Variants in FER1L6 observed in about 807,000 individuals in gnomAD.
FER1L6 encodes fer-1 like family member 6.
FER1L6 carries 177 observed loss-of-function variants against 219.2 expected under a neutral mutation model. The observed-to-expected ratio is 0.81, with a 90% CI of 0.71 to 0.91. FER1L6 has a LOEUF of 0.91. Among genes scored for constraint, FER1L6 ranks in the 40% least tolerant of loss-of-function variants. The probability of loss-of-function intolerance (pLI) is 0.00; values close to 1 mark genes in which losing one functional copy is unlikely to be tolerated. For missense variants in FER1L6, 2,153 were observed against 2,259.9 expected, an observed-to-expected ratio of 0.95 and a Z score of 0.96; for synonymous variants, 768 against 824.3, an observed-to-expected ratio of 0.93 and a Z score of 1.17.
chr8:123,888,209 T>A, intron 1 of FER1L6, among the ~76,000 whole-genome samples: 1 of 152,090 alleles, frequency 6.6e-6, no homozygotes, highest in East Asian at 1.9e-4. Flanking sequence ...CTCCACCTCC[T>A]GGGTTCAAGA....
At chr8:124,045,719 A>ATAAC in intron 20 of FER1L6, 48 bp from the exon 21 acceptor site, 1 of 1,607,674 alleles carries the variant, frequency 6.2e-7, no homozygotes. Context: ...TAGAGCCCCT[A>ATAAC]TAACTCAATT....
At chr8:123,966,852 C>T (rs1031353944) in intron 5 of FER1L6, among the ~76,000 whole-genome samples, 8 of 152,060 alleles carry the variant, frequency 5.3e-5, no homozygotes, top group African/African-American at 1.4e-4. Context: ...GAGGCCACGG[C>T]GTGCGGATCA....
intron 1 of FER1L6, among the ~76,000 whole-genome samples, chr8:123,862,462 T>A (rs76201728): frequency 7.9e-6 from 1 of 125,814 alleles, no homozygotes. Context: ...TGTCTCTGCC[T>A]GGCTTTGGTA....
chr8:123,904,224 TTGTGTGTGTGTGTGTGTG>T (rs56224402), intron 1 of FER1L6, among the ~76,000 whole-genome samples: 240 of 139,486 alleles, frequency 1.7e-3, no homozygotes, highest in South Asian at 2.7e-3. Flanking sequence ...CTCTGTATAT[TTGTGTGTGTGTGTGTGTG>T]TGTGTGTGTG....
intron 1 of FER1L6, among the ~76,000 whole-genome samples, chr8:123,922,431 T>G (rs1813394031): frequency 6.6e-6 from 1 of 152,220 alleles, no homozygotes; most frequent in Admixed American, 6.5e-5. Context: ...GAAGCTGGTG[T>G]GCCATTCTTC....
At chr8:123,936,272 A>C (rs1813999409) in intron 1 of FER1L6, among the ~76,000 whole-genome samples, 1 of 152,152 alleles carries the variant, frequency 6.6e-6, no homozygotes, top group Non-Finnish European at 1.5e-5. Context: ...TGCTCAGGGG[A>C]CAAGTTCAAC....
chr8:123,971,852 A>G (rs971802115), intron 6 of FER1L6, among the ~76,000 whole-genome samples: 5 of 152,222 alleles, frequency 3.3e-5, no homozygotes, highest in Admixed American at 2.0e-4. Context: ...CAGGGCTCCC[A>G]GTACTCTGTG....
chr8:123,977,440 C>T lies in FER1L6; in HGVS notation c.894C>T (p.Asn298=), dbSNP rs773924937. The change falls in exon 10 of 41, where the codon AAC becomes AAT. Residue 298 remains asparagine (N), a synonymous_variant. Coordinates refer to ENST00000522917, the MANE Select transcript of FER1L6 (RefSeq NM_001039112.2). ...GQMGRTTVQK[N]CADPVWHEQV... The stretch of plus-strand genomic sequence containing the variant: ...AGGGGCGAACCACAGTGCAGAAGAA[C>T]TGTGCTGATCCTGTGTGGCATGAAC... 8 of 1,613,844 alleles carry T rather than the reference C, an allele frequency of 5.0e-6. No homozygotes were observed. The Admixed American group carries it at 6.7e-5, about 13-fold the overall frequency.
intron 1 of FER1L6, among the ~76,000 whole-genome samples, chr8:123,874,918 C>T (rs2130283657): frequency 6.6e-6 from 1 of 152,262 alleles, no homozygotes; most frequent in East Asian, 1.9e-4. Flanking sequence ...AATCTCAGGC[C>T]TAGTGTGGTG....
At chr8:123,950,614 T>G (rs963040958) in intron 1 of FER1L6, among the ~76,000 whole-genome samples, 2 of 152,212 alleles carry the variant, frequency 1.3e-5, no homozygotes, top group African/African-American at 4.8e-5. Context: ...TAGACTCAGC[T>G]GACTCTTGCA....
At chr8:123,918,472 C>T (rs989711389) in intron 1 of FER1L6, among the ~76,000 whole-genome samples, 1 of 152,144 alleles carries the variant, frequency 6.6e-6, no homozygotes, top group South Asian at 2.1e-4. Flanking sequence ...TGTCTATGTG[C>T]AATCGCATCC....
At chr8:124,091,729 G>A in intron 34 of FER1L6, 146 bp downstream of exon 34, 1 of 786,928 alleles carries the variant, frequency 1.3e-6, no homozygotes, top group African/African-American at 1.8e-5. Flanking sequence ...CACTATGGGA[G>A]GCTGAGGCGG....
intron 18 of FER1L6, among the ~76,000 whole-genome samples, chr8:124,031,877 C>T (rs932161538): frequency 6.6e-6 from 1 of 152,130 alleles, no homozygotes; most frequent in Admixed American, 6.6e-5. Flanking sequence ...GGAAGGTGCT[C>T]GATAATGTTG....
chr8:123,963,537 A>C (rs1033582030), intron 3 of FER1L6, 139 bp downstream of exon 3: 20 of 893,252 alleles, frequency 2.2e-5, no homozygotes, highest in Non-Finnish European at 2.9e-5. Flanking sequence ...AGGCAGGAAG[A>C]CTGTGTCAGC....
intron 1 of FER1L6, among the ~76,000 whole-genome samples, chr8:123,934,137 G>A (rs1813892051): frequency 6.6e-6 from 1 of 152,122 alleles, no homozygotes; most frequent in South Asian, 2.1e-4. Context: ...TTGAGACCAA[G>A]TCTCACTCTG....
chr8:123,925,758 T>A (rs757937307), intron 1 of FER1L6: 3 of 152,264 alleles, frequency 2.0e-5, no homozygotes, highest in Non-Finnish European at 2.9e-5. Flanking sequence ...GGTTGTTTGG[T>A]CTTTTCCAGA....
chr8:123,897,889 C>T (rs923521314), intron 1 of FER1L6, among the ~76,000 whole-genome samples: 2 of 152,108 alleles, frequency 1.3e-5, no homozygotes, highest in African/African-American at 4.8e-5. Flanking sequence ...GGACATTTGT[C>T]TCTGTCATGA....
intron 13 of FER1L6, chr8:124,004,204 A>G (rs1817558896): frequency 6.6e-6 from 1 of 151,720 alleles, no homozygotes; most frequent in East Asian, 1.9e-4. Context: ...ACTCTCACTG[A>G]TCTCCTTTAA....
chr8:123,930,685 A>G (rs1406549738), intron 1 of FER1L6, among the ~76,000 whole-genome samples: 2 of 152,268 alleles, frequency 1.3e-5, no homozygotes, highest in East Asian at 3.9e-4. Context: ...CAGGTTCCTC[A>G]TCTTTAAAAT....
Sources: allele counts gnomAD v4.1 joint callset (sites outside exome capture counted in the v4.1 genomes callset), GRCh38; gene constraint gnomAD v4.1.1; transcripts MANE v1.5; gene names NCBI Gene and HGNC (gene_info 2026-07-23, HGNC 2026-07-21).